Variants in CST9 observed in about 807,000 individuals in gnomAD.
CST9 encodes the protein cystatin-9.
Under a neutral mutation model 7.7 loss-of-function variants are expected in CST9, and 11 were observed. The ratio of observed to expected loss-of-function variants is 1.44; its 90% CI spans 0.90 to 2.38. The LOEUF (loss-of-function observed/expected upper bound fraction) is 2.38. CST9 is among the 30% of genes most tolerant of loss of function. CST9 has a pLI of 0.00. For missense variants in CST9, 214 were observed against 199.1 expected, an observed-to-expected ratio of 1.07 and a Z score of -0.45; for synonymous variants, 71 against 74.3, an observed-to-expected ratio of 0.96 and a Z score of 0.23.
chr20:23,603,836 T>G, intron 1 of CST9, 102 bp from the exon 2 acceptor site: 1 of 1,218,756 alleles, frequency 8.2e-7, no homozygotes, highest in South Asian at 1.4e-5. Context: ...AACACTTTAC[T>G]GCATTTGAGA....
intron 1 of CST9, among the ~76,000 whole-genome samples, chr20:23,605,274 T>G (rs886820519): frequency 6.6e-6 from 1 of 152,150 alleles, no homozygotes; most frequent in African/African-American, 2.4e-5. Context: ...ATTTTCATTT[T>G]ATGACCTGGA....
At chr20:23,605,432 C>T (rs990577443) in intron 1 of CST9, among the ~76,000 whole-genome samples, 178 bp downstream of exon 1, 1 of 152,028 alleles carries the variant, frequency 6.6e-6, no homozygotes, top group Non-Finnish European at 1.5e-5. Flanking sequence ...AGACATTTAC[C>T]TAATTTAAAA....
rs1318236375 is a variant in CST9 at position 23,602,764 on chromosome 20, G to A, written c.*746C>T. ...AGTAGGGCGGGGTTTGGGGAGGTTCGGGAATCTTGTGGCATCTGCCCTCAA... is the reference window on the plus strand; with the variant it reads ...AGTAGGGCGGGGTTTGGGGAGGTTCAGGAATCTTGTGGCATCTGCCCTCAA... On this transcript the variant is annotated 3_prime_UTR_variant, in exon 2 of 2. Coordinates refer to ENST00000376971, the MANE Select transcript of CST9 (RefSeq NM_001008693.3). 12 of 985,546 alleles carry A rather than the reference G, an allele frequency of 1.2e-5. No homozygotes were observed. In the Admixed American group the frequency reaches 4.3e-4, roughly 35 times the overall value. 61.1% of individuals were successfully genotyped at this position (985,546 alleles called of 1,614,324 possible).
Position 23,605,771 on chromosome 20 carries a change from C to A in CST9, c.94G>T (p.Glu32Ter). Residue 32 changes from glutamate to a stop codon, truncating the protein, a stop_gained, in exon 1 of 2, where the codon GAA (glutamate) becomes TAA (stop). Coordinates refer to ENST00000376971, the MANE Select transcript of CST9 (RefSeq NM_001008693.3). LOFTEE classifies it high-confidence loss of function. ...TTATTATTACCACCCATTTCCTCTT[C>A]AGAACACCAGGCATAAGTCACCAGG... ...QLLVTYAWCS[E>*]EEMGGNNKIV... is the part of the protein sequence containing the mutation. 6.2e-7 allele frequency: 1 copy of A among 1,614,230 alleles called. No homozygotes were observed. The highest frequency in any genetic ancestry group is 8.5e-7 in the Non-Finnish European group (1 of 1,180,044).
In CST9 at chr20:23,602,512, A is replaced by T. The variant is rs2122403507; in HGVS notation, c.*998T>A. ...ATAAAACCTCAGACACTTGCAAAAT[A>T]AGAGAACAAATATGCACGGAGCTGC... On this transcript the variant is annotated 3_prime_UTR_variant, in exon 2 of 2. Transcript: ENST00000376971. 1 of 169,730 alleles carries T rather than the reference A, an allele frequency of 5.9e-6. No homozygotes were observed. Among genetic ancestry groups the T allele is most frequent in the Non-Finnish European group, 1.2e-5 (1 of 83,998 alleles). 10.5% of individuals were successfully genotyped at this position (169,730 alleles called of 1,614,324 possible).
intron 1 of CST9, among the ~76,000 whole-genome samples, chr20:23,604,488 G>A (rs1053656037): frequency 2.0e-5 from 3 of 152,128 alleles, no homozygotes; most frequent in African/African-American, 7.2e-5. Context: ...TTATTCTAAC[G>A]GTATTAAGAA....
In CST9 at chr20:23,603,559, A is replaced by C. The variant is rs1229051623; in HGVS notation, c.431T>G (p.Val144Gly). 6 of 1,614,124 alleles carry C rather than the reference A, an allele frequency of 3.7e-6. No homozygotes were observed. The highest frequency in any genetic ancestry group is 1.3e-5 in the African/African-American group (1 of 75,012). ...HSCGCCMGCG[V>G]GTGAADKAIP... ...GGCTTTGTCAGCTGCTCCTGTGCCC[A>C]CACCACACCCCATGCAGCATCCACA... The change falls in exon 2 of 2, where the codon GTG becomes GGG. Residue 144 changes from valine to glycine, a missense_variant. Val to Gly is a moderately radical substitution (Grantham distance 109). Coordinates refer to ENST00000376971, the MANE Select transcript of CST9 (RefSeq NM_001008693.3).
At chr20:23,603,769 G>T (rs762046936) in intron 1 of CST9, 35 bp from the exon 2 acceptor site, 6 of 1,601,026 alleles carry the variant, frequency 3.7e-6, no homozygotes, top group African/African-American at 2.7e-5. Flanking sequence ...TGGATGCACC[G>T]TCTTCCTGCC....
In CST9 at chr20:23,603,223, T is replaced by C; in HGVS notation, c.*287A>G. 3.2e-6 allele frequency: 4 copies of C among 1,266,374 alleles called. No homozygotes were observed. Among genetic ancestry groups the C allele is most frequent in the Non-Finnish European group, 4.0e-6 (4 of 999,816 alleles). The allele number at this position is 1,266,374 out of a possible 1,614,324, so 78.4% of individuals were successfully genotyped here. On this transcript the variant is annotated 3_prime_UTR_variant, in exon 2 of 2. Transcript: ENST00000376971. ...GGCTTCTTCTCAGCCTCCACCACTTTTGGGTCTAGGGCAGGGTAGGGAAAC... is the reference window on the plus strand; with the variant it reads ...GGCTTCTTCTCAGCCTCCACCACTTCTGGGTCTAGGGCAGGGTAGGGAAAC...
chr20:23,602,889 TACA>T lies in CST9; in HGVS notation c.*618_*620del. 1 of 987,818 alleles carries T rather than the reference TACA, an allele frequency of 1.0e-6. No homozygotes were observed. Among genetic ancestry groups the T allele is most frequent in the Non-Finnish European group, 1.2e-6 (1 of 831,782 alleles). The allele number at this position is 987,818 out of a possible 1,614,324, so 61.2% of individuals were successfully genotyped here. A position where few individuals can be genotyped will look rare whatever the true frequency, so the allele number is the denominator to read the frequency against. ...CCTGAGCCTGAGGCCAATCCTGAAC[TACA>T]ACGTGATTTGAGGCTCCCTCCCTCC... On this transcript the variant is annotated 3_prime_UTR_variant, in exon 2 of 2. Transcript: ENST00000376971.
At chr20:23,603,803 G>T in intron 1 of CST9, 69 bp from the exon 2 acceptor site, 1 of 1,498,786 alleles carries the variant, frequency 6.7e-7, no homozygotes, top group Non-Finnish European at 9.2e-7. Flanking sequence ...TAGTGAAGAT[G>T]CCATTTGAGT....
At position 23,602,841 on chromosome 20, in the gene CST9, G is replaced by A. The variant is rs1978650513; in HGVS notation, c.*669C>T. On this transcript the variant is annotated 3_prime_UTR_variant, in exon 2 of 2. Transcript: ENST00000376971. The stretch of plus-strand genomic sequence containing the variant: ...TTCCTGGGGCCAGCAATTGTGCCAC[G>A]TGGCTCTGGCCTTCAGGTCTAGCCT... 3 of 985,672 alleles carry A rather than the reference G, an allele frequency of 3.0e-6. No homozygotes were observed. Among genetic ancestry groups the A allele is most frequent in the Non-Finnish European group, 3.6e-6 (3 of 830,162 alleles). 61.1% of individuals were successfully genotyped at this position (985,672 alleles called of 1,614,324 possible).
In CST9 at chr20:23,603,409, C is replaced by G; in HGVS notation, c.*101G>C. On this transcript the variant is annotated 3_prime_UTR_variant, in exon 2 of 2. Coordinates refer to ENST00000376971, the MANE Select transcript of CST9 (RefSeq NM_001008693.3). ...TGTCAGAGGGCAGAATCAGGAAACTCAGATTGGCCAGGGGCCTGAAAGTGA... is the reference window on the plus strand; with the variant it reads ...TGTCAGAGGGCAGAATCAGGAAACTGAGATTGGCCAGGGGCCTGAAAGTGA... The G allele has an allele frequency of 3.4e-6, 5 of 1,484,598 alleles. No homozygotes were observed. The highest frequency in any genetic ancestry group is 4.5e-6 in the Non-Finnish European group (5 of 1,118,200). 92.0% of individuals were successfully genotyped at this position (1,484,598 alleles called of 1,614,324 possible). A position where few individuals can be genotyped will look rare whatever the true frequency, so the allele number is the denominator to read the frequency against.
At position 23,603,292 on chromosome 20, in the gene CST9, C is replaced by A. The variant is rs936070334; in HGVS notation, c.*218G>T. The A allele has an allele frequency of 6.8e-5, 96 of 1,417,714 alleles. No individual in the cohort carries two copies. Among genetic ancestry groups the A allele is most frequent in the Non-Finnish European group, 8.3e-5 (90 of 1,089,818 alleles). 87.8% of individuals were successfully genotyped at this position (1,417,714 alleles called of 1,614,324 possible). A position where few individuals can be genotyped will look rare whatever the true frequency, so the allele number is the denominator to read the frequency against. On this transcript the variant is annotated 3_prime_UTR_variant, in exon 2 of 2. Coordinates refer to ENST00000376971, the MANE Select transcript of CST9 (RefSeq NM_001008693.3). ...AGACATTGTCACCATTGTCTCCAGG[C>A]TCTTTCTCTAGAAGGCAGGGAAGAA...
At position 23,603,555 on chromosome 20, in the gene CST9, G is replaced by A. The variant is rs1342589362; in HGVS notation, c.435C>T (p.Gly145=). The change falls in exon 2 of 2, where the codon GGC becomes GGT. Residue 145 remains glycine (G), a synonymous_variant. Coordinates refer to ENST00000376971, the MANE Select transcript of CST9 (RefSeq NM_001008693.3). ...GAATGGCTTTGTCAGCTGCTCCTGT[G>A]CCCACACCACACCCCATGCAGCATC... ...SCGCCMGCGV[G]TGAADKAIPR... is the part of the protein sequence containing the mutation. The A allele has an allele frequency of 6.2e-7, 1 of 1,613,998 alleles. No individual in the cohort carries two copies. Among genetic ancestry groups the A allele is most frequent in the Non-Finnish European group, 8.5e-7 (1 of 1,180,018 alleles).
chr20:23,603,596 G>A lies in CST9; in HGVS notation c.394C>T (p.Gln132Ter). 6.2e-7 allele frequency: 1 copy of A among 1,614,220 alleles called. No individual in the cohort carries two copies. Among genetic ancestry groups the A allele is most frequent in the Non-Finnish European group, 8.5e-7 (1 of 1,180,044 alleles). Reference sequence around the variant, plus strand: ...ATGCAGCATCCACAGCTGTGGACCTGAGGAAAGCTGATGCCCTGTCTTACG... The same window carrying A: ...ATGCAGCATCCACAGCTGTGGACCTAAGGAAAGCTGATGCCCTGTCTTACG... ...NNVRQGISFP[Q>*]VHSCGCCMGC... The change falls in exon 2 of 2, where the codon CAG becomes TAG. Residue 132 changes from glutamine to a stop codon, truncating the protein, a stop_gained. Coordinates refer to ENST00000376971, the MANE Select transcript of CST9 (RefSeq NM_001008693.3). LOFTEE classifies it low-confidence loss of function (END_TRUNC).
At chr20:23,604,555 A>G (rs747922770) in intron 1 of CST9, among the ~76,000 whole-genome samples, 1 of 152,248 alleles carries the variant, frequency 6.6e-6, no homozygotes, top group Non-Finnish European at 1.5e-5. Context: ...AAGCAGAAGC[A>G]TGAGGCCTGG....
At position 23,603,475 on chromosome 20, in the gene CST9, A is replaced by G. The variant is rs769514965; in HGVS notation, c.*35T>C. The G allele has an allele frequency of 2.5e-6, 4 of 1,608,634 alleles. No individual in the cohort carries two copies. The highest frequency in any genetic ancestry group is 1.7e-6 in the Non-Finnish European group (2 of 1,177,036). On this transcript the variant is annotated 3_prime_UTR_variant, in exon 2 of 2. Coordinates refer to ENST00000376971, the MANE Select transcript of CST9 (RefSeq NM_001008693.3). ...GCCTCACTGGGCTTCCCACTAAGGC[A>G]CAAGCAGGGCAGCCTGGTACAGCCT...
At position 23,602,461 on chromosome 20, in the gene CST9, G is replaced by A. The variant is rs2983638; in HGVS notation, c.*1049C>T. ...CTATTCTACTTGAGGAACCTGGACA[G>A]TGAGGATTTTCTAAAATGCCAAGTC... is the stretch of plus-strand genomic sequence containing the variant. On this transcript the variant is annotated 3_prime_UTR_variant, in exon 2 of 2. Transcript: ENST00000376971. 1 allele frequency: 153,420 copies of A among 153,420 alleles called. 76,710 individuals carry two copies. Among genetic ancestry groups the A allele is most frequent in the Non-Finnish European group, 1 (69,088 of 69,088 alleles). 9.5% of individuals were successfully genotyped at this position (153,420 alleles called of 1,614,324 possible).
Sources: allele counts gnomAD v4.1 joint callset (sites outside exome capture counted in the v4.1 genomes callset), GRCh38; gene constraint gnomAD v4.1.1; transcripts MANE v1.5; gene names NCBI Gene and HGNC (gene_info 2026-07-23, HGNC 2026-07-21).